The following TNS1 variants were observed in gnomAD, a reference collection of about 807,000 sequenced individuals.
TNS1 encodes tensin 1.
TNS1 carries 62 observed loss-of-function variants against 168.6 expected under a neutral mutation model. The ratio of observed to expected loss-of-function variants is 0.37; its 90% CI spans 0.30 to 0.45. The LOEUF is 0.45. Ranked by LOEUF, TNS1 falls within the 20% of genes least tolerant of loss-of-function variation. The pLI, the probability that TNS1 is intolerant of heterozygous loss-of-function variation, is 1.00. For synonymous variants in TNS1, 934 were observed against 933.2 expected (o/e 1.00, Z -0.02); for missense variants, 2,240 against 2,339.4 (o/e 0.96, Z 0.88).
At chr2:217,951,902 T>C (rs989027686) in intron 3 of TNS1, among the ~76,000 whole-genome samples, 4 of 152,212 alleles carry the variant, frequency 2.6e-5, no homozygotes, top group African/African-American at 9.6e-5. Flanking sequence ...CTGGTTCTGA[T>C]CCTTTTCCAG....
intron 28 of TNS1, among the ~76,000 whole-genome samples, chr2:217,811,764 G>A (rs1342440788): frequency 6.6e-5 from 10 of 152,292 alleles, no homozygotes; most frequent in South Asian, 2.1e-4. Flanking sequence ...TCCTTCCCTA[G>A]CCCTGCCGTC....
chr2:217,958,781 C>T lies in TNS1; in HGVS notation c.186+19984G>A, dbSNP rs752469355. ...CAACCAGTCCAGCGGGAGCCTGAGG[C>T]CCAGCAGATGGTGGGTGAGGTTAGG... On this transcript the variant is annotated intron_variant, in intron 3 of 32. Transcript: ENST00000682258. 1.6e-4 allele frequency among the ~76,000 whole-genome samples: 25 copies of T among 152,330 alleles called. No individual in the cohort carries two copies. The South Asian group carries it at 3.7e-3, about 23-fold the overall frequency.
At chr2:217,870,447 T>C (rs1949673438) in intron 18 of TNS1, among the ~76,000 whole-genome samples, 1 of 152,250 alleles carries the variant, frequency 6.6e-6, no homozygotes, top group African/African-American at 2.4e-5. Flanking sequence ...AAGTATTTGA[T>C]TGATAGAAGC....
Position 217,892,931 on chromosome 2 carries a change from C to G in TNS1, c.782+17G>C, listed in dbSNP as rs1017181895. Reference sequence around the variant, plus strand: ...CTGTCGATGTTCAGAGGATGGGAGGCTCCAGGCCCCTCTTACCTGGCAGAA... The same window carrying G: ...CTGTCGATGTTCAGAGGATGGGAGGGTCCAGGCCCCTCTTACCTGGCAGAA... On this transcript the variant is annotated intron_variant, in intron 11 of 32. Coordinates refer to ENST00000682258, the MANE Select transcript of TNS1 (RefSeq NM_001387777.1). 6.2e-7 allele frequency: 1 copy of G among 1,613,636 alleles called. No individual in the cohort carries two copies. Among genetic ancestry groups the G allele is most frequent in the African/African-American group, 1.3e-5 (1 of 74,928 alleles).
chr2:217,872,293 C>T (rs184253964), intron 18 of TNS1, among the ~76,000 whole-genome samples: 3 of 152,210 alleles, frequency 2.0e-5, no homozygotes. Flanking sequence ...GAGAATATAT[C>T]GGCAAATTAT....
chr2:218,030,307 T>C (rs891382103), intron 1 of TNS1, among the ~76,000 whole-genome samples: 5 of 152,238 alleles, frequency 3.3e-5, no homozygotes, highest in Non-Finnish European at 5.9e-5. Flanking sequence ...TGCTCTTGCT[T>C]CAGCTCCTCA....
At chr2:217,853,262 T>A (rs370012131) in intron 18 of TNS1, among the ~76,000 whole-genome samples, 189 of 152,230 alleles carry the variant, frequency 1.2e-3, no homozygotes, top group African/African-American at 4.4e-3. Flanking sequence ...AGAGAGGGAC[T>A]TAAGGGAGGC....
chr2:217,856,824 A>G (rs1165238565), intron 18 of TNS1, among the ~76,000 whole-genome samples: 1 of 152,140 alleles, frequency 6.6e-6, no homozygotes. Flanking sequence ...TCCATTTAAT[A>G]GCACACACCT....
chr2:217,855,682 T>C (rs1051941275), intron 18 of TNS1, among the ~76,000 whole-genome samples: 6 of 152,182 alleles, frequency 3.9e-5, no homozygotes, highest in Non-Finnish European at 5.9e-5. Flanking sequence ...CTGTACAGAA[T>C]GGCCCTAGAG....
chr2:217,955,890 C>T (rs1222643623), intron 3 of TNS1, among the ~76,000 whole-genome samples: 2 of 152,200 alleles, frequency 1.3e-5, no homozygotes, highest in African/African-American at 4.8e-5. Flanking sequence ...ATTACAGGCT[C>T]AGAGACAGGG....
intron 18 of TNS1, among the ~76,000 whole-genome samples, chr2:217,876,308 G>A (rs114238038): frequency 0.013 from 1,977 of 152,168 alleles, 28 homozygotes; most frequent in African/African-American, 0.044. Flanking sequence ...AAAACACAGC[G>A]CCACCCCTAC....
At chr2:217,808,508 C>T in intron 31 of TNS1, 95 bp downstream of exon 31, 2 of 491,100 alleles carry the variant, frequency 4.1e-6, no homozygotes, top group Non-Finnish European at 6.0e-6. Context: ...TATGCACATG[C>T]ACACACACAC....
Position 217,813,627 on chromosome 2 carries a change from G to T in TNS1, c.4861+58C>A. 2 of 1,550,070 alleles carry T rather than the reference G, an allele frequency of 1.3e-6. No individual in the cohort carries two copies. Among genetic ancestry groups the T allele is most frequent in the Admixed American group, 3.9e-5 (2 of 51,566 alleles). ...ACCCTGGGTCCCTCCAGCACCTCCA[G>T]GTTTAGCGACTGTAAAGCTCACCTG... On this transcript the variant is annotated intron_variant, in intron 26 of 32. Coordinates refer to ENST00000682258, the MANE Select transcript of TNS1 (RefSeq NM_001387777.1). This position sits in a 1 kb window ranked among gnomAD's most constrained non-coding sequence, Gnocchi z 4.0.
rs1942108700 is a variant in TNS1, at chr2:217,817,693, G to A, written c.4639C>T (p.Pro1547Ser). ...AATGGAAGGGGGAGAGGCCCACCTG[G>A]CATGGAGTACTTGGAGAAGTCGGGC... is the stretch of plus-strand genomic sequence containing the variant. ...TLPDFSKYSMPDNSPETRAKV... is the reference protein window; with the variant it reads ...TLPDFSKYSMSDNSPETRAKV... Residue 1547 changes from proline to serine, a missense_variant, in exon 24 of 33, where the codon CCA (proline) becomes TCA (serine). By Grantham distance (74) the Pro-to-Ser change is moderately conservative. This residue lies in a region of TNS1 where 2,131 missense variants were observed against 2,171.2 expected (regional missense o/e 0.98). Transcript: ENST00000682258. 1.3e-6 allele frequency: 2 copies of A among 1,589,530 alleles called. No individual in the cohort carries two copies. Among genetic ancestry groups the A allele is most frequent in the Non-Finnish European group, 8.6e-7 (1 of 1,163,634 alleles).
intron 21 of TNS1, 71 bp from the exon 22 acceptor site, chr2:217,831,618 G>C: frequency 3.1e-6 from 4 of 1,270,922 alleles, no homozygotes; most frequent in Non-Finnish European, 3.1e-6. Context: ...CCAGGCACGT[G>C]AGGGCACGCT....
At chr2:217,883,272 T>C (rs114190692) in intron 16 of TNS1, among the ~76,000 whole-genome samples, 2,959 of 152,296 alleles carry the variant, frequency 0.019, 88 homozygotes, top group African/African-American at 0.067. Context: ...CTATTTCTTT[T>C]TCTCTTTTTA....
intron 30 of TNS1, among the ~76,000 whole-genome samples, chr2:217,809,488 G>C (rs1265164440): frequency 1.3e-3 from 27 of 20,640 alleles, no homozygotes; most frequent in Admixed American, 2.9e-3. Context: ...TGGATGGATG[G>C]ATGCATGGAT....
chr2:217,927,526 C>G (rs908709803), intron 3 of TNS1, among the ~76,000 whole-genome samples: 1 of 152,042 alleles, frequency 6.6e-6, no homozygotes, highest in Non-Finnish European at 1.5e-5. Flanking sequence ...TCTGGGGGAG[C>G]TGAAGGGTGG....
intron 18 of TNS1, among the ~76,000 whole-genome samples, chr2:217,861,261 AAT>A (rs755893558): frequency 3.0e-4 from 46 of 152,272 alleles, no homozygotes; most frequent in Non-Finnish European, 5.0e-4. Context: ...AGAACAAGCC[AAT>A]CGCCCCCTCG....
Sources: gnomAD v4.1 joint callset for allele counts (sites outside exome capture counted in the v4.1 genomes callset) on GRCh38, gnomAD v4.1.1 for gene constraint, gnomAD v4.1.1 regional missense constraint, Gnocchi (gnomAD v3.1) non-coding constraint, MANE v1.5 for transcripts, NCBI Gene and HGNC (gene_info 2026-07-23, HGNC 2026-07-21) for gene names.